The following WBP1L variants were observed in gnomAD, a reference collection of about 807,000 sequenced individuals.
WBP1L encodes the protein WW domain binding protein 1 like.
A neutral mutation model predicts 33.7 loss-of-function variants in WBP1L; 17 were observed. The observed-to-expected ratio is 0.50, with a 90% CI of 0.34 to 0.76. WBP1L has a LOEUF of 0.76. Ranked by LOEUF, WBP1L falls within the 30% of genes least tolerant of loss-of-function variation. The pLI is 0.01. For missense variants in WBP1L, 389 were observed against 469.4 expected, an observed-to-expected ratio of 0.83 and a Z score of 1.58; for synonymous variants, 173 against 190.8, an observed-to-expected ratio of 0.91 and a Z score of 0.77.
At chr10:102,789,306 C>T (rs968334300) in intron 1 of WBP1L, among the ~76,000 whole-genome samples, 7 of 152,154 alleles carry the variant, frequency 4.6e-5, no homozygotes, top group African/African-American at 1.7e-4. Flanking sequence ...GAGATCTGAC[C>T]TCAGCTGAAT....
chr10:102,758,036 T>A (rs1167028970), intron 1 of WBP1L, among the ~76,000 whole-genome samples: 4 of 150,946 alleles, frequency 2.6e-5, no homozygotes, highest in Non-Finnish European at 3.0e-5. Flanking sequence ...AGGCGCCCGC[T>A]ACCACGCCTG....
At chr10:102,745,163 T>A (rs974286080) in intron 1 of WBP1L, among the ~76,000 whole-genome samples, 12 of 152,250 alleles carry the variant, frequency 7.9e-5, no homozygotes, top group Non-Finnish European at 2.9e-5. Context: ...ACTTAGCGCT[T>A]GAACTTGTGT....
chr10:102,747,808 A>T (rs569972677), intron 1 of WBP1L, among the ~76,000 whole-genome samples: 25 of 151,564 alleles, frequency 1.6e-4, no homozygotes, highest in Non-Finnish European at 2.7e-4. Context: ...GATTACAGGC[A>T]TGAGCCACTC....
intron 1 of WBP1L, among the ~76,000 whole-genome samples, chr10:102,774,758 G>C (rs1004245667): frequency 1.3e-5 from 2 of 152,128 alleles, no homozygotes; most frequent in South Asian, 2.1e-4. Context: ...AAAGAAAATT[G>C]TTGCAGAAAA....
At chr10:102,806,778 G>C (rs966419934) in intron 2 of WBP1L, among the ~76,000 whole-genome samples, 7 of 152,138 alleles carry the variant, frequency 4.6e-5, no homozygotes, top group African/African-American at 1.7e-4. Context: ...TGCCGGGGCT[G>C]GGGGGCATGT....
chr10:102,759,465 T>C (rs1843012772), intron 1 of WBP1L, among the ~76,000 whole-genome samples: 1 of 152,246 alleles, frequency 6.6e-6, no homozygotes, highest in Non-Finnish European at 1.5e-5. Context: ...TTCTGTTTTC[T>C]TTATTATACT....
chr10:102,782,275 T>C (rs1195672451), intron 1 of WBP1L, among the ~76,000 whole-genome samples: 2 of 147,306 alleles, frequency 1.4e-5, no homozygotes, highest in Non-Finnish European at 3.0e-5. Flanking sequence ...ATCTCTGTTA[T>C]CAGAGCAAAG....
At chr10:102,748,890 G>A (rs1362449833) in intron 1 of WBP1L, among the ~76,000 whole-genome samples, 1 of 152,246 alleles carries the variant, frequency 6.6e-6, no homozygotes, top group African/African-American at 2.4e-5. Context: ...AGGTTGATAA[G>A]CATGGGTAGA....
chr10:102,748,141 A>G (rs1842886290), intron 1 of WBP1L, among the ~76,000 whole-genome samples: 1 of 152,054 alleles, frequency 6.6e-6, no homozygotes, highest in Non-Finnish European at 1.5e-5. Context: ...CTGTAGTCCC[A>G]GCTACTCGGG....
At chr10:102,773,004 TGAA>T (rs1317719488) in intron 1 of WBP1L, among the ~76,000 whole-genome samples, 1 of 152,004 alleles carries the variant, frequency 6.6e-6, no homozygotes, top group Non-Finnish European at 1.5e-5. Flanking sequence ...TAAAGTCATT[TGAA>T]GAAGGATTTA....
intron 1 of WBP1L, among the ~76,000 whole-genome samples, chr10:102,765,499 G>A (rs1309013047): frequency 6.6e-6 from 1 of 152,132 alleles, no homozygotes; most frequent in Non-Finnish European, 1.5e-5. Flanking sequence ...CTCCCAAAGT[G>A]CTGGCATTAC....
intron 1 of WBP1L, among the ~76,000 whole-genome samples, chr10:102,778,461 G>T (rs1198428663): frequency 6.6e-6 from 1 of 152,240 alleles, no homozygotes; most frequent in Admixed American, 6.5e-5. Flanking sequence ...GAAGCAGTGG[G>T]TAGCATTAAA....
At chr10:102,791,548 C>CA (rs1466571716) in intron 1 of WBP1L, among the ~76,000 whole-genome samples, 4 of 152,118 alleles carry the variant, frequency 2.6e-5, no homozygotes, top group Non-Finnish European at 5.9e-5. Context: ...CCTGTAATCC[C>CA]AGCACTTTGG....
chr10:102,754,889 A>C (rs549121115), intron 1 of WBP1L, among the ~76,000 whole-genome samples: 1 of 150,686 alleles, frequency 6.6e-6, no homozygotes, highest in East Asian at 1.9e-4. Flanking sequence ...TTATTTATTT[A>C]TTTATTTATT....
At chr10:102,755,456 A>G (rs1842964516) in intron 1 of WBP1L, among the ~76,000 whole-genome samples, 1 of 151,736 alleles carries the variant, frequency 6.6e-6, no homozygotes, top group Non-Finnish European at 1.5e-5. Context: ...CAGTGGTACA[A>G]TCTTGGCTTA....
chr10:102,792,842 G>C (rs1323726950), intron 1 of WBP1L, among the ~76,000 whole-genome samples: 1 of 151,990 alleles, frequency 6.6e-6, no homozygotes. Flanking sequence ...TGATCTGCCT[G>C]CCTTGGCCTC....
intron 3 of WBP1L, among the ~76,000 whole-genome samples, chr10:102,811,144 C>T (rs1362690856): frequency 6.6e-6 from 1 of 152,110 alleles, no homozygotes; most frequent in East Asian, 1.9e-4. Flanking sequence ...CAGTGGCTCA[C>T]ACCGGGCTCG....
In WBP1L at chr10:102,813,518, T is replaced by G. The variant is rs1843881125; in HGVS notation, c.*187T>G. On this transcript the variant is annotated 3_prime_UTR_variant, in exon 4 of 4. Transcript: ENST00000448841. The stretch of plus-strand genomic sequence containing the variant: ...TACAGTTCGGGGTGTGGATGCCTCT[T>G]CCTCCACAAGGGCACAGTGTTGTGG... 6 of 773,808 alleles carry G rather than the reference T, an allele frequency of 7.8e-6. No homozygotes were observed. Among genetic ancestry groups the G allele is most frequent in the Non-Finnish European group, 1.2e-5 (6 of 497,704 alleles). 47.9% of individuals were successfully genotyped at this position (773,808 alleles called of 1,614,324 possible).
chr10:102,781,706 C>G lies in WBP1L; in HGVS notation c.91-16287C>G, dbSNP rs189959933. On this transcript the variant is annotated intron_variant, in intron 1 of 3. Coordinates refer to ENST00000448841, the MANE Select transcript of WBP1L (RefSeq NM_001083913.2). ...AACTAGCTGTATATAGCAGCAAACA[C>G]CAAGGTGACACTTGTTTGTGCTACC... Among the ~76,000 whole-genome samples, 5 of 152,242 alleles carry G rather than the reference C, an allele frequency of 3.3e-5. No individual in the cohort carries two copies. In the East Asian group the frequency reaches 9.7e-4, roughly 29 times the overall value.
Sources: allele counts gnomAD v4.1 joint callset (sites outside exome capture counted in the v4.1 genomes callset), GRCh38; gene constraint gnomAD v4.1.1; transcripts MANE v1.5; gene names NCBI Gene and HGNC (gene_info 2026-07-23, HGNC 2026-07-21).